The following ANGPT1 variants were observed in gnomAD, a reference collection of about 807,000 sequenced individuals.
ANGPT1 encodes the protein angiopoietin 1, also known as angiopoietin-1.
In ANGPT1, 17 loss-of-function variants were observed where a neutral mutation model predicts 62.2. The observed-to-expected ratio is 0.27, with a 90% CI of 0.19 to 0.41. ANGPT1 has a LOEUF of 0.41. Ranked by LOEUF, ANGPT1 falls within the 10% of genes least tolerant of loss-of-function variation. The pLI, the probability that ANGPT1 is intolerant of heterozygous loss-of-function variation, is 1.00. For synonymous variants in ANGPT1, 199 were observed against 198.9 expected, an observed-to-expected ratio of 1.00 and a Z score of 0.00; for missense variants, 478 against 594.9, an observed-to-expected ratio of 0.80 and a Z score of 2.04.
intron 1 of ANGPT1, among the ~76,000 whole-genome samples, chr8:107,489,481 G>A (rs2130538013): frequency 6.6e-6 from 1 of 152,242 alleles, no homozygotes; most frequent in East Asian, 1.9e-4. Flanking sequence ...AGGCCTAAAT[G>A]CATTCTGGAT....
chr8:107,407,921 C>G (rs1429085809), intron 1 of ANGPT1, among the ~76,000 whole-genome samples: 1 of 152,180 alleles, frequency 6.6e-6, no homozygotes, highest in Non-Finnish European at 1.5e-5. Flanking sequence ...TTTCAAAGAC[C>G]ATTGTTCCTC....
At chr8:107,373,353 A>G (rs898436755) in intron 1 of ANGPT1, among the ~76,000 whole-genome samples, 1 of 152,012 alleles carries the variant, frequency 6.6e-6, no homozygotes, top group African/African-American at 2.4e-5. Flanking sequence ...CTGTCTTTTT[A>G]CCAATGGGTT....
rs1160235705 is a variant in ANGPT1 at position 107,370,373 on chromosome 8, AAAG to A, written c.298-23279_298-23277del. Among the ~76,000 whole-genome samples the A allele has an allele frequency of 0.012, 410 of 35,362 alleles. 99 individuals are homozygous for A. The East Asian group carries it at 0.12, about 10-fold the overall frequency. 23.2% of individuals were successfully genotyped at this position (35,362 alleles called of 152,430 possible). A position where few individuals can be genotyped will look rare whatever the true frequency, so the allele number is the denominator to read the frequency against. ...GAAAGAAAGAAAGAAAGAAAGAAAG[AAAG>A]AAAGAAAGAAAGAAAGAAAGAAAGA... On this transcript the variant is annotated intron_variant, in intron 1 of 8. Transcript: ENST00000517746.
At chr8:107,279,196 T>C (rs978502980) in intron 7 of ANGPT1, among the ~76,000 whole-genome samples, 2 of 152,204 alleles carry the variant, frequency 1.3e-5, no homozygotes, top group Non-Finnish European at 2.9e-5. Flanking sequence ...AAGTGTTTAT[T>C]AGAGAGATCA....
chr8:107,396,851 C>T (rs1026767064), intron 1 of ANGPT1, among the ~76,000 whole-genome samples: 1 of 151,948 alleles, frequency 6.6e-6, no homozygotes, highest in African/African-American at 2.4e-5. Context: ...CTAAAAACAG[C>T]CAATACTTAC....
chr8:107,277,696 G>A (rs1813897734), intron 7 of ANGPT1, among the ~76,000 whole-genome samples: 1 of 152,144 alleles, frequency 6.6e-6, no homozygotes, highest in South Asian at 2.1e-4. Flanking sequence ...ATGGGAAATA[G>A]ACAATATCAT....
At chr8:107,398,449 T>C (rs116904030) in intron 1 of ANGPT1, among the ~76,000 whole-genome samples, 5,514 of 151,772 alleles carry the variant, frequency 0.036, 126 homozygotes, top group Middle Eastern at 0.061. Flanking sequence ...CATTTATAAG[T>C]TTTAAAATTC....
chr8:107,262,253 C>T (rs1353353808), intron 8 of ANGPT1, among the ~76,000 whole-genome samples: 3 of 152,086 alleles, frequency 2.0e-5, no homozygotes, highest in Non-Finnish European at 4.4e-5. Context: ...AAGCTCTATT[C>T]GTGGATGAAG....
chr8:107,337,433 G>A (rs1815593593), intron 2 of ANGPT1, among the ~76,000 whole-genome samples: 1 of 152,114 alleles, frequency 6.6e-6, no homozygotes, highest in South Asian at 2.1e-4. Context: ...GAGTCTGTGA[G>A]CTGTGCACCT....
At chr8:107,461,765 A>AAATG (rs1477140960) in intron 1 of ANGPT1, among the ~76,000 whole-genome samples, 5 of 152,162 alleles carry the variant, frequency 3.3e-5, no homozygotes, top group Non-Finnish European at 7.4e-5. Context: ...CTATTTTAAT[A>AAATG]AATGAATGAA....
At chr8:107,305,324 C>T (rs563682523) in intron 4 of ANGPT1, among the ~76,000 whole-genome samples, 1 of 152,004 alleles carries the variant, frequency 6.6e-6, no homozygotes, top group African/African-American at 2.4e-5. Flanking sequence ...AGTCATTTAT[C>T]TATGGAGAAA....
In ANGPT1 at chr8:107,488,079, G is replaced by T. The variant is rs543482320; in HGVS notation, c.297+9183C>A. ...ATAGAATTTGCCGCTAATTAACCAA[G>T]AGTACTCTATTATCTTATCAAATTT... On this transcript the variant is annotated intron_variant, in intron 1 of 8. Transcript: ENST00000517746. Among the ~76,000 whole-genome samples the T allele has an allele frequency of 6.6e-5, 10 of 152,220 alleles. No individual in the cohort carries two copies. The East Asian group carries it at 1.9e-3, about 29-fold the overall frequency.
At position 107,311,340 on chromosome 8, in the gene ANGPT1, A is replaced by G. The variant is rs528183430; in HGVS notation, c.809-7973T>C. ...ATAATAACGGATTAAATTATTAGAA[A>G]AAAAGCCATAATTTTATTCAATTTT... is the stretch of plus-strand genomic sequence containing the variant. On this transcript the variant is annotated intron_variant, in intron 4 of 8. Coordinates refer to ENST00000517746, the MANE Select transcript of ANGPT1 (RefSeq NM_001146.5). Among the ~76,000 whole-genome samples, 28 of 152,270 alleles carry G rather than the reference A, an allele frequency of 1.8e-4. No individual in the cohort carries two copies. The Middle Eastern group carries it at 0.01, about 55-fold the overall frequency.
intron 1 of ANGPT1, among the ~76,000 whole-genome samples, chr8:107,468,607 A>C (rs1162288994): frequency 6.6e-6 from 1 of 152,086 alleles, no homozygotes; most frequent in Non-Finnish European, 1.5e-5. Context: ...TTACTTAAAA[A>C]TCTGAATGGG....
At chr8:107,402,484 A>T (rs1032294131) in intron 1 of ANGPT1, among the ~76,000 whole-genome samples, 5 of 152,228 alleles carry the variant, frequency 3.3e-5, no homozygotes, top group Non-Finnish European at 7.4e-5. Context: ...CTAAGATAGC[A>T]TGGGAGGGTA....
At chr8:107,479,918 G>A (rs1812630654) in intron 1 of ANGPT1, among the ~76,000 whole-genome samples, 1 of 152,096 alleles carries the variant, frequency 6.6e-6, no homozygotes, top group African/African-American at 2.4e-5. Flanking sequence ...CAGTCTTCCA[G>A]TTATATTTAT....
chr8:107,262,319 A>C (rs1230575867), intron 8 of ANGPT1, among the ~76,000 whole-genome samples: 1 of 152,218 alleles, frequency 6.6e-6, no homozygotes, highest in African/African-American at 2.4e-5. Flanking sequence ...AGTTATTTCA[A>C]GAGTTAAAAG....
At chr8:107,414,167 T>G (rs1191325604) in intron 1 of ANGPT1, among the ~76,000 whole-genome samples, 1 of 152,140 alleles carries the variant, frequency 6.6e-6, no homozygotes, top group Non-Finnish European at 1.5e-5. Context: ...TGCTCAAGGA[T>G]AGCAGTTCTT....
chr8:107,327,869 C>T (rs182873342), intron 3 of ANGPT1, among the ~76,000 whole-genome samples: 10 of 152,220 alleles, frequency 6.6e-5, no homozygotes, highest in Non-Finnish European at 1.3e-4. Flanking sequence ...AATGAGTGTA[C>T]AGCAAGTCCT....
Sources: allele counts gnomAD v4.1 joint callset (sites outside exome capture counted in the v4.1 genomes callset), GRCh38; gene constraint gnomAD v4.1.1; transcripts MANE v1.5; gene names NCBI Gene and HGNC (gene_info 2026-07-23, HGNC 2026-07-21).